Variants in NPAS3 observed in about 807,000 individuals in gnomAD.
NPAS3 encodes neuronal PAS domain-containing protein 3.
Under a neutral mutation model 73.1 loss-of-function variants are expected in NPAS3, and 14 were observed. The observed-to-expected ratio is 0.19, with a 90% CI of 0.13 to 0.30. NPAS3 has a LOEUF of 0.30. Ranked by LOEUF, NPAS3 falls within the 10% of genes least tolerant of loss-of-function variation. The probability of loss-of-function intolerance (pLI) is 1.00; values close to 1 mark genes in which losing one functional copy is unlikely to be tolerated. For missense variants in NPAS3, 1,096 were observed against 1,250.0 expected (o/e 0.88, Z 1.86); for synonymous variants, 620 against 541.5 (o/e 1.14, Z -2.01).
intron 6 of NPAS3, among the ~76,000 whole-genome samples, chr14:33,702,902 G>T (rs1595468213): frequency 1.3e-5 from 2 of 152,134 alleles, no homozygotes; most frequent in African/African-American, 4.8e-5. Flanking sequence ...ATCATTCTGG[G>T]TGTGAAATAT....
chr14:32,958,465 G>C (rs2036771841), intron 1 of NPAS3, among the ~76,000 whole-genome samples: 1 of 152,138 alleles, frequency 6.6e-6, no homozygotes, highest in African/African-American at 2.4e-5. Flanking sequence ...CTTCCATGAT[G>C]CCATGCTTTT....
chr14:33,145,213 G>T (rs74729523), intron 2 of NPAS3, among the ~76,000 whole-genome samples: 2,608 of 152,224 alleles, frequency 0.017, 25 homozygotes, highest in Middle Eastern at 0.044. Context: ...ATATATGAAC[G>T]TGTATATGTA....
intron 4 of NPAS3, among the ~76,000 whole-genome samples, chr14:33,542,052 G>T (rs929192629): frequency 6.6e-6 from 1 of 152,174 alleles, no homozygotes; most frequent in African/African-American, 2.4e-5. Flanking sequence ...TGAAGAGCTT[G>T]CTTGGTACCA....
intron 6 of NPAS3, among the ~76,000 whole-genome samples, chr14:33,694,367 A>G (rs2060316025): frequency 6.6e-6 from 1 of 152,156 alleles, no homozygotes; most frequent in Non-Finnish European, 1.5e-5. Flanking sequence ...GTGTTCTGTC[A>G]ATCTTAATTA....
chr14:33,336,655 T>G (rs1231299959), intron 3 of NPAS3, among the ~76,000 whole-genome samples: 3 of 152,190 alleles, frequency 2.0e-5, no homozygotes, highest in Non-Finnish European at 4.4e-5. Context: ...TAATCACATC[T>G]GCAAAATCTC....
At chr14:32,984,100 T>C (rs1036948273) in intron 1 of NPAS3, among the ~76,000 whole-genome samples, 4 of 152,232 alleles carry the variant, frequency 2.6e-5, no homozygotes, top group African/African-American at 9.6e-5. Flanking sequence ...AAGTGAAGTT[T>C]AACTGACTAG....
intron 6 of NPAS3, among the ~76,000 whole-genome samples, chr14:33,724,686 C>G (rs1444121319): frequency 6.6e-6 from 1 of 151,750 alleles, no homozygotes; most frequent in Non-Finnish European, 1.5e-5. Flanking sequence ...TTACACATTT[C>G]TTATCACAGA....
intron 3 of NPAS3, among the ~76,000 whole-genome samples, chr14:33,278,067 ACT>A (rs1283722621): frequency 6.6e-6 from 1 of 152,078 alleles, no homozygotes; most frequent in African/African-American, 2.4e-5. Flanking sequence ...TGAAGGCTAA[ACT>A]CAGCATAATC....
intron 5 of NPAS3, among the ~76,000 whole-genome samples, chr14:33,652,321 A>G (rs2059018214): frequency 6.6e-6 from 1 of 151,992 alleles, no homozygotes; most frequent in South Asian, 2.1e-4. Flanking sequence ...GCACCTTTTC[A>G]CCTTTGAAAC....
At chr14:33,543,735 C>T (rs1036393227) in intron 4 of NPAS3, among the ~76,000 whole-genome samples, 1 of 152,194 alleles carries the variant, frequency 6.6e-6, no homozygotes, top group African/African-American at 2.4e-5. Context: ...CTTTGAACAT[C>T]ACCTTGAGCA....
At chr14:33,244,040 A>C (rs1393554621) in intron 3 of NPAS3, among the ~76,000 whole-genome samples, 2 of 152,132 alleles carry the variant, frequency 1.3e-5, no homozygotes, top group Non-Finnish European at 2.9e-5. Flanking sequence ...TTCTGTGCAC[A>C]TAGCTTTGTT....
chr14:33,091,223 CAA>C (rs1309913327), intron 2 of NPAS3, among the ~76,000 whole-genome samples: 1 of 151,918 alleles, frequency 6.6e-6, no homozygotes, highest in Non-Finnish European at 1.5e-5. Flanking sequence ...AAAAGATCAA[CAA>C]AATTGATAGA....
chr14:33,746,658 C>G (rs9671824), intron 7 of NPAS3, among the ~76,000 whole-genome samples: 2,796 of 152,090 alleles, frequency 0.018, 36 homozygotes, highest in Middle Eastern at 0.044. Flanking sequence ...TATTATCACT[C>G]TCATTCTGCA....
At chr14:32,947,998 C>A (rs995668094) in intron 1 of NPAS3, among the ~76,000 whole-genome samples, 5 of 152,136 alleles carry the variant, frequency 3.3e-5, no homozygotes, top group Admixed American at 2.6e-4. Context: ...CCAGCTGCTA[C>A]TATAACCTGC....
rs1463845441 is a variant in NPAS3 at position 33,056,273 on chromosome 14, A to G, written c.140+279A>G. Among the ~76,000 whole-genome samples the G allele has an allele frequency of 5.3e-5, 8 of 152,302 alleles. 1 individual carries two copies. The South Asian group carries it at 1.7e-3, about 32-fold the overall frequency. ...TTAAAGCTCTTAGGTAAGCTTCTTT[A>G]TATTGCAATAAACAAGTACTTATAT... On this transcript the variant is annotated intron_variant, in intron 2 of 11. Coordinates refer to ENST00000356141, the Ensembl canonical transcript of NPAS3.
intron 2 of NPAS3, among the ~76,000 whole-genome samples, chr14:33,138,814 T>C (rs1444381528): frequency 6.6e-6 from 1 of 152,170 alleles, no homozygotes; most frequent in African/African-American, 2.4e-5. Context: ...AGTGATAGGG[T>C]TATATACTTG....
intron 2 of NPAS3, among the ~76,000 whole-genome samples, chr14:33,179,644 G>T (rs1003340229): frequency 6.6e-6 from 1 of 152,092 alleles, no homozygotes. Context: ...TGAATCATAA[G>T]TCTGTTTACA....
At chr14:33,329,888 G>A (rs2043902537) in intron 3 of NPAS3, among the ~76,000 whole-genome samples, 1 of 152,144 alleles carries the variant, frequency 6.6e-6, no homozygotes, top group Admixed American at 6.5e-5. Context: ...ACATTAATGT[G>A]TATTACTGTT....
rs1015228895 is a variant in NPAS3, at chr14:33,159,614, C to T, written c.141-55568C>T. On this transcript the variant is annotated intron_variant, in intron 2 of 11. Coordinates refer to ENST00000356141, the Ensembl canonical transcript of NPAS3. ...TGTCGCCCAGGCTGGAGTGCAGTGG[C>T]GCAATCTTGGCTCACCGCAAACTCC... 1.2e-4 allele frequency among the ~76,000 whole-genome samples: 17 copies of T among 136,460 alleles called. No homozygotes were observed. The East Asian group carries it at 3.1e-3, about 25-fold the overall frequency. 89.5% of individuals were successfully genotyped at this position (136,460 alleles called of 152,430 possible).
Sources: allele counts gnomAD v4.1 joint callset (sites outside exome capture counted in the v4.1 genomes callset), GRCh38; gene constraint gnomAD v4.1.1; transcripts MANE v1.5; gene names NCBI Gene and HGNC (gene_info 2026-07-23, HGNC 2026-07-21).